The following PTPRN2 variants were observed in gnomAD, a reference collection of about 807,000 sequenced individuals.
PTPRN2 encodes the protein receptor-type tyrosine-protein phosphatase N2.
A neutral mutation model predicts 118.8 loss-of-function variants in PTPRN2; 74 were observed. That is an observed-to-expected ratio of 0.62 (90% CI 0.52 to 0.76). The LOEUF (loss-of-function observed/expected upper bound fraction) is 0.76, where lower values mean the gene tolerates loss of function less well. PTPRN2 is among the 30% of genes least tolerant of loss of function. The pLI is 0.00. For missense variants in PTPRN2, 1,481 were observed against 1,394.4 expected, an observed-to-expected ratio of 1.06 and a Z score of -0.99; for synonymous variants, 641 against 608.0, an observed-to-expected ratio of 1.05 and a Z score of -0.80.
intron 11 of PTPRN2, among the ~76,000 whole-genome samples, chr7:157,926,642 C>T (rs1038473826): frequency 2.0e-5 from 3 of 152,200 alleles, no homozygotes; most frequent in African/African-American, 7.2e-5. Context: ...TCCTACGCAC[C>T]CTCCAGTGCC....
intron 2 of PTPRN2, among the ~76,000 whole-genome samples, chr7:158,441,231 G>T (rs1246662210): frequency 1.8e-5 from 2 of 111,722 alleles, no homozygotes; most frequent in African/African-American, 5.5e-5. Context: ...GATAGTAATG[G>T]TGATGGCAAT....
chr7:158,312,193 GAC>G (rs1293703137), intron 3 of PTPRN2, among the ~76,000 whole-genome samples: 1 of 48,790 alleles, frequency 2.0e-5, no homozygotes, highest in Admixed American at 2.1e-4. Flanking sequence ...CTCATGTGTA[GAC>G]ACTCACATGC....
In PTPRN2 at chr7:158,129,335, G is replaced by A. The variant is rs372007125; in HGVS notation, c.1556+4342C>T. Among the ~76,000 whole-genome samples, 1,022 of 133,326 alleles carry A rather than the reference G, an allele frequency of 7.7e-3. 12 individuals carry two copies. Among genetic ancestry groups the A allele is most frequent in the Middle Eastern group, 0.026 (5 of 192 alleles). 87.5% of individuals were successfully genotyped at this position (133,326 alleles called of 152,430 possible). A position where few individuals can be genotyped will look rare whatever the true frequency, so the allele number is the denominator to read the frequency against. On this transcript the variant is annotated intron_variant, in intron 9 of 22. Coordinates refer to ENST00000389418, the MANE Select transcript of PTPRN2 (RefSeq NM_002847.5). ...ACACTACACACATACTGTACACCAC[G>A]CACTACACATAACACACACCACACA...
chr7:157,898,070 G>A (rs960352600), intron 12 of PTPRN2, among the ~76,000 whole-genome samples: 7 of 152,246 alleles, frequency 4.6e-5, no homozygotes, highest in Non-Finnish European at 7.3e-5. Context: ...GGAGGAGGCT[G>A]GCCGAGCGCC....
At chr7:158,178,432 T>C (rs1307260228) in intron 5 of PTPRN2, among the ~76,000 whole-genome samples, 9 of 152,072 alleles carry the variant, frequency 5.9e-5, no homozygotes, top group Admixed American at 5.9e-4. Context: ...CTCCCACTTA[T>C]AAGTCAGAAC....
Position 157,903,061 on chromosome 7 carries a change from A to G in PTPRN2, c.1724-4324T>C, listed in dbSNP as rs1797559371. ...ACCATCCTAAGCAAATTAACGCAAA[A>G]GCAGAAAGCCACACGCTGCCACACA... On this transcript the variant is annotated intron_variant, in intron 11 of 22. Coordinates refer to ENST00000389418, the MANE Select transcript of PTPRN2 (RefSeq NM_002847.5). This position sits in a 1 kb window ranked among gnomAD's most constrained non-coding sequence, Gnocchi z 4.2. Among the ~76,000 whole-genome samples, 1 of 152,194 alleles carries G rather than the reference A, an allele frequency of 6.6e-6. No individual in the cohort carries two copies. The highest frequency in any genetic ancestry group is 1.5e-5 in the Non-Finnish European group (1 of 68,044).
At chr7:158,171,532 G>A in intron 5 of PTPRN2, among the ~76,000 whole-genome samples, 1 of 151,552 alleles carries the variant, frequency 6.6e-6, no homozygotes, top group Admixed American at 6.6e-5. Context: ...TGCATTTTTA[G>A]TAGAGATGGG....
chr7:158,452,826 G>C (rs1818180940), intron 2 of PTPRN2, among the ~76,000 whole-genome samples: 1 of 152,228 alleles, frequency 6.6e-6, no homozygotes, highest in African/African-American at 2.4e-5. Flanking sequence ...GATGAAGCAG[G>C]AGCATCTCTT....
At chr7:158,464,953 C>T (rs1733149) in intron 2 of PTPRN2, among the ~76,000 whole-genome samples, 104,484 of 152,112 alleles carry the variant, frequency 0.69, 36,170 homozygotes, top group Admixed American at 0.78. Context: ...ATGTATTATC[C>T]CCATTTTAGA....
chr7:158,510,467 T>C (rs1464108525), intron 1 of PTPRN2, among the ~76,000 whole-genome samples: 5 of 151,586 alleles, frequency 3.3e-5, no homozygotes, highest in Non-Finnish European at 7.4e-5. Flanking sequence ...TCTCTCTCTC[T>C]CTCTCTCTCT....
intron 11 of PTPRN2, among the ~76,000 whole-genome samples, chr7:158,056,603 C>T (rs1351652430): frequency 6.6e-6 from 1 of 152,200 alleles, no homozygotes; most frequent in Admixed American, 6.5e-5. Flanking sequence ...ACAGCAGACC[C>T]GTTCTCCACA....
intron 14 of PTPRN2, among the ~76,000 whole-genome samples, chr7:157,638,240 C>A (rs997289938): frequency 1.3e-5 from 2 of 151,938 alleles, no homozygotes; most frequent in African/African-American, 4.8e-5. Context: ...AGTCTATGTG[C>A]GAGACAAAGT....
rs989610667 is a variant in PTPRN2, at chr7:157,857,423, C to A, written c.1788+41250G>T. ...GGCAGATCTGCACAGGCTCTGCGCT[C>A]CTCTCTCTCCGGAGCGTCCTCTCCT... On this transcript the variant is annotated intron_variant, in intron 12 of 22. Coordinates refer to ENST00000389418, the MANE Select transcript of PTPRN2 (RefSeq NM_002847.5). 3 of 152,208 alleles carry A rather than the reference C, an allele frequency of 2.0e-5. No individual in the cohort carries two copies. In the South Asian group the frequency reaches 6.2e-4, roughly 32 times the overall value. 9.4% of individuals were successfully genotyped at this position (152,208 alleles called of 1,614,324 possible). A position where few individuals can be genotyped will look rare whatever the true frequency, so the allele number is the denominator to read the frequency against.
At chr7:157,569,010 G>A in intron 20 of PTPRN2, 44 bp from the exon 21 acceptor site, 2 of 1,506,460 alleles carry the variant, frequency 1.3e-6, no homozygotes, top group Non-Finnish European at 1.8e-6. Context: ...CGTCCACACG[G>A]AAGCCCGACC....
intron 11 of PTPRN2, among the ~76,000 whole-genome samples, chr7:157,902,094 C>T (rs919929441): frequency 6.6e-6 from 1 of 152,250 alleles, no homozygotes; most frequent in South Asian, 2.1e-4. Context: ...CAACTCCCGC[C>T]ACCCTGAATT....
chr7:158,429,195 G>A (rs1043845246), intron 2 of PTPRN2, among the ~76,000 whole-genome samples: 2 of 152,196 alleles, frequency 1.3e-5, no homozygotes, highest in Non-Finnish European at 2.9e-5. Flanking sequence ...TCACCCAGTC[G>A]AGAGGCTTTC....
chr7:157,750,784 G>T (rs1439613179), intron 12 of PTPRN2, among the ~76,000 whole-genome samples: 1 of 152,220 alleles, frequency 6.6e-6, no homozygotes, highest in East Asian at 1.9e-4. Flanking sequence ...TCCTCAGTGG[G>T]TTCGGAAACA....
At chr7:158,061,507 G>A (rs755044987) in intron 11 of PTPRN2, among the ~76,000 whole-genome samples, 8 of 152,362 alleles carry the variant, frequency 5.3e-5, no homozygotes, top group South Asian at 2.1e-4. Context: ...AACCATCATT[G>A]AGGAGAGACC....
chr7:158,171,316 T>C (rs866463077), intron 5 of PTPRN2, among the ~76,000 whole-genome samples: 2,957 of 91,718 alleles, frequency 0.032, 360 homozygotes, highest in African/African-American at 0.075. Flanking sequence ...CACATATATA[T>C]ATATATATAT....
Sources: allele counts gnomAD v4.1 joint callset (sites outside exome capture counted in the v4.1 genomes callset), GRCh38; gene constraint gnomAD v4.1.1; non-coding constraint Gnocchi (gnomAD v3.1); transcripts MANE v1.5; gene names NCBI Gene and HGNC (gene_info 2026-07-23, HGNC 2026-07-21).